The following HMCN1 variants were observed in gnomAD, a reference collection of about 807,000 sequenced individuals.
HMCN1 encodes the protein hemicentin-1.
A neutral mutation model predicts 625.9 loss-of-function variants in HMCN1; 321 were observed. The ratio of observed to expected loss-of-function variants is 0.51; its 90% CI spans 0.47 to 0.56. The LOEUF (loss-of-function observed/expected upper bound fraction) is 0.56, where lower values mean the gene tolerates loss of function less well. Ranked by LOEUF, HMCN1 falls within the 20% of genes least tolerant of loss-of-function variation. The pLI is 0.00. For missense variants in HMCN1, 6,588 were observed against 6,887.3 expected (o/e 0.96, Z 1.54); for synonymous variants, 2,425 against 2,417.6 (o/e 1.00, Z -0.09).
intron 83 of HMCN1, among the ~76,000 whole-genome samples, chr1:186,129,500 C>T (rs1239495303): frequency 6.6e-6 from 1 of 151,826 alleles, no homozygotes; most frequent in African/African-American, 2.4e-5. Context: ...AAGTAGCATA[C>T]GTTTTCATAA....
intron 1 of HMCN1, among the ~76,000 whole-genome samples, chr1:185,835,274 G>A (rs1046242074): frequency 2.0e-5 from 3 of 152,158 alleles, no homozygotes; most frequent in Admixed American, 6.6e-5. Context: ...AGTTGGTATG[G>A]GTGCACTGAT....
intron 4 of HMCN1, among the ~76,000 whole-genome samples, chr1:185,880,778 AGTCT>A (rs1664255081): frequency 6.6e-6 from 1 of 152,250 alleles, no homozygotes; most frequent in South Asian, 2.1e-4. Flanking sequence ...GGACCAGAAG[AGTCT>A]GGAGTAAAAT....
In HMCN1 at chr1:186,048,804, G is replaced by A; in HGVS notation, c.6542G>A (p.Gly2181Glu). The change falls in exon 42 of 107, where the codon GGA becomes GAA. Residue 2181 changes from glycine to glutamate, a missense_variant. Physicochemically the swap from Gly to Glu is moderately conservative, Grantham distance 98. This residue lies in a region of HMCN1 where 4,628 missense variants were observed against 4,853.1 expected (regional missense o/e 0.95). Coordinates refer to ENST00000271588, the MANE Select transcript of HMCN1 (RefSeq NM_031935.3). ...RYTCEATNVA[G>E]KTEKNYNVNI... ...ACTTGTGAAGCAACAAATGTTGCTG[G>A]AAAAACTGAAAAAAACTACAATGTC... 6.2e-7 allele frequency: 1 copy of A among 1,610,888 alleles called. No homozygotes were observed. The highest frequency in any genetic ancestry group is 2.2e-5 in the East Asian group (1 of 44,742).
intron 4 of HMCN1, among the ~76,000 whole-genome samples, chr1:185,899,458 T>C (rs892209007): frequency 3.3e-5 from 5 of 152,166 alleles, no homozygotes; most frequent in African/African-American, 1.2e-4. Context: ...AAATTTGCAG[T>C]ATTTGTCGAC....
chr1:185,975,414 G>T (rs969891537), intron 15 of HMCN1, among the ~76,000 whole-genome samples: 2 of 152,200 alleles, frequency 1.3e-5, no homozygotes, highest in Non-Finnish European at 2.9e-5. Context: ...GCAGAAGGAA[G>T]AGAGCAAAGG....
At chr1:186,167,383 T>C (rs1347462990) in intron 100 of HMCN1, among the ~76,000 whole-genome samples, 1 of 152,200 alleles carries the variant, frequency 6.6e-6, no homozygotes, top group African/African-American at 2.4e-5. Flanking sequence ...AGAAAGTACA[T>C]AGATTCCTAT....
At chr1:186,050,446 C>A (rs1656876135) in intron 42 of HMCN1, among the ~76,000 whole-genome samples, 1 of 151,670 alleles carries the variant, frequency 6.6e-6, no homozygotes, top group African/African-American at 2.4e-5. Context: ...GTAAAAGAGA[C>A]TCTAGATAAG....
At chr1:186,184,147 G>C (rs1461012009) in intron 105 of HMCN1, among the ~76,000 whole-genome samples, 2 of 152,012 alleles carry the variant, frequency 1.3e-5, no homozygotes, top group Non-Finnish European at 2.9e-5. Flanking sequence ...AAAATGACGT[G>C]GTCAAATCAG....
intron 68 of HMCN1, among the ~76,000 whole-genome samples, chr1:186,098,155 T>C (rs1660222229): frequency 6.6e-6 from 1 of 151,998 alleles, no homozygotes; most frequent in Non-Finnish European, 1.5e-5. Flanking sequence ...AGGATTTTTC[T>C]GGATAAGAAC....
chr1:185,996,109 T>C (rs1362431369), intron 24 of HMCN1, among the ~76,000 whole-genome samples: 1 of 152,154 alleles, frequency 6.6e-6, no homozygotes, highest in Non-Finnish European at 1.5e-5. Flanking sequence ...TAATAATTCA[T>C]GAAATAGTCT....
chr1:186,158,304 T>A (rs1235940941), intron 97 of HMCN1, among the ~76,000 whole-genome samples: 2 of 151,324 alleles, frequency 1.3e-5, no homozygotes, highest in African/African-American at 4.9e-5. Flanking sequence ...TTCTTGTAAA[T>A]TTGTTTGAGT....
intron 1 of HMCN1, among the ~76,000 whole-genome samples, chr1:185,761,448 C>A: frequency 6.6e-6 from 1 of 152,172 alleles, no homozygotes; most frequent in East Asian, 1.9e-4. Flanking sequence ...TGTCTACAGT[C>A]AAAACCCTTT....
At chr1:186,057,122 TATTAAC>T (rs1338123648) in intron 45 of HMCN1, 106 bp from the exon 46 acceptor site, 1 of 870,598 alleles carries the variant, frequency 1.1e-6, no homozygotes, top group African/African-American at 1.7e-5. Context: ...ATGGAAGTCT[TATTAAC>T]ATACACTGTT....
At chr1:185,785,218 C>T (rs531761116) in intron 1 of HMCN1, among the ~76,000 whole-genome samples, 3 of 152,080 alleles carry the variant, frequency 2.0e-5, no homozygotes, top group Admixed American at 6.5e-5. Flanking sequence ...TAGGTATTGC[C>T]CAGGCTGCTT....
chr1:186,115,202 A>C, intron 74 of HMCN1, 56 bp from the exon 75 acceptor site: 2 of 1,598,962 alleles, frequency 1.3e-6, no homozygotes, highest in Non-Finnish European at 1.7e-6. Flanking sequence ...GAAATATTTC[A>C]AATGGCACGC....
intron 68 of HMCN1, 89 bp from the exon 69 acceptor site, chr1:186,103,383 T>A: frequency 9.7e-7 from 1 of 1,027,702 alleles, no homozygotes; most frequent in Non-Finnish European, 1.5e-6. Context: ...CATGTGAATG[T>A]GAATTTGTGT....
Position 186,093,172 on chromosome 1 carries a change from C to CTCT in HMCN1, c.9928_9930dup (p.Leu3310dup), listed in dbSNP as rs1659936616. ...GGCAGCACATTAAACATTTATGGAG[C>CTCT]TCTTACATCTGACACGGGGAAATAC... On this transcript the variant is annotated inframe_insertion, in exon 65 of 107. Coordinates refer to ENST00000271588, the MANE Select transcript of HMCN1 (RefSeq NM_031935.3). 1 of 1,613,198 alleles carries CTCT rather than the reference C, an allele frequency of 6.2e-7. No homozygotes were observed. The highest frequency in any genetic ancestry group is 1.3e-5 in the African/African-American group (1 of 74,842).
At chr1:185,779,526 A>G (rs1486072615) in intron 1 of HMCN1, among the ~76,000 whole-genome samples, 1 of 152,172 alleles carries the variant, frequency 6.6e-6, no homozygotes, top group Non-Finnish European at 1.5e-5. Flanking sequence ...TTTTTGTATA[A>G]GGTGTAAGGA....
At chr1:185,897,711 T>A (rs1665566856) in intron 4 of HMCN1, among the ~76,000 whole-genome samples, 1 of 152,214 alleles carries the variant, frequency 6.6e-6, no homozygotes, top group Non-Finnish European at 1.5e-5. Flanking sequence ...ATACATTTTC[T>A]GTTATGTATT....
Sources: gnomAD v4.1 joint callset for allele counts (sites outside exome capture counted in the v4.1 genomes callset) on GRCh38, gnomAD v4.1.1 for gene constraint, gnomAD v4.1.1 regional missense constraint, MANE v1.5 for transcripts, NCBI Gene and HGNC (gene_info 2026-07-23, HGNC 2026-07-21) for gene names.